The following BLTP1 variants were observed in gnomAD, a reference collection of about 807,000 sequenced individuals.
BLTP1 encodes bridge-like lipid transfer protein family member 1, also known as fragile site-associated protein.
the BLTP1 span, chr4:122,155,089 G>A: frequency 3.7e-4 from 80 of 215,704 alleles, no homozygotes; most frequent in African/African-American, 1.8e-3. Context: ...ATAGAGCAAT[G>A]GTCTTCATGG....
At chr4:122,280,684 A>C in the BLTP1 span, among the ~76,000 whole-genome samples, 1 of 150,106 alleles carries the variant, frequency 6.7e-6, no homozygotes, top group African/African-American at 2.4e-5. Context: ...AAAAAAAAAC[A>C]ACCATGTAAA....
At chr4:122,185,849 C>T in the BLTP1 span, 192 of 194,620 alleles carry the variant, frequency 9.9e-4, 1 homozygote, top group African/African-American at 4.5e-3. Context: ...TAAAATATAA[C>T]AGAAACATCA....
the BLTP1 span, chr4:122,271,789 A>AAACAT: frequency 1.9e-6 from 2 of 1,062,668 alleles, no homozygotes; most frequent in Non-Finnish European, 2.7e-6. Context: ...AAGAAGCAGA[A>AAACAT]GACTGTTCAT....
At chr4:122,257,141 T>A in the BLTP1 span, 1 of 1,115,150 alleles carries the variant, frequency 9.0e-7, no homozygotes, top group Non-Finnish European at 1.3e-6. Context: ...TAAGTTTTAA[T>A]TTCTTTATCT....
At chr4:122,209,833 A>T in the BLTP1 span, 1 of 1,613,530 alleles carries the variant, frequency 6.2e-7, no homozygotes, top group Non-Finnish European at 8.5e-7. Context: ...GTTGGGTTGA[A>T]TGCTGGACTG....
the BLTP1 span, among the ~76,000 whole-genome samples, chr4:122,228,502 G>A: frequency 6.6e-6 from 1 of 152,072 alleles, no homozygotes; most frequent in East Asian, 1.9e-4. Context: ...TGACTACACT[G>A]TAAGACACCT....
At chr4:122,262,669 A>G in the BLTP1 span, 17 of 1,423,196 alleles carry the variant, frequency 1.2e-5, no homozygotes, top group African/African-American at 4.3e-5. Context: ...CAAAGTAGCT[A>G]GCAGTTATAG....
At chr4:122,276,541 G>T in the BLTP1 span, 2 of 984,950 alleles carry the variant, frequency 2.0e-6, no homozygotes, top group Non-Finnish European at 2.4e-6. Context: ...GATGAATGCT[G>T]TTCACATCTA....
chr4:122,310,671 G>A, the BLTP1 span, among the ~76,000 whole-genome samples: 1 of 152,136 alleles, frequency 6.6e-6, no homozygotes, highest in East Asian at 1.9e-4. Flanking sequence ...TCTCTCACAT[G>A]TGGTTCATAT....
At chr4:122,344,285 T>C in the BLTP1 span, 6 of 1,269,572 alleles carry the variant, frequency 4.7e-6, no homozygotes, top group Middle Eastern at 2.5e-4. Context: ...ATTCATGGCA[T>C]ATTACAGTAT....
At chr4:122,216,747 T>G in the BLTP1 span, among the ~76,000 whole-genome samples, 2 of 152,246 alleles carry the variant, frequency 1.3e-5, no homozygotes, top group Admixed American at 1.3e-4. Context: ...TCTTTTGCTG[T>G]GCAGAAGTTT....
chr4:122,221,777 T>C, the BLTP1 span: 1 of 983,900 alleles, frequency 1.0e-6, no homozygotes, highest in Admixed American at 6.2e-5. Context: ...CATCTCCCTT[T>C]TTCAGTCTAT....
the BLTP1 span, chr4:122,344,501 G>T: frequency 1.9e-6 from 3 of 1,613,800 alleles, no homozygotes; most frequent in East Asian, 2.2e-5. Flanking sequence ...CTCATTTTTT[G>T]AAAGTCAGTC....
chr4:122,247,413 T>C, the BLTP1 span: 1 of 1,589,326 alleles, frequency 6.3e-7, no homozygotes, highest in Non-Finnish European at 8.6e-7. Context: ...TAAGATGATT[T>C]TGCAGAAGGG....
the BLTP1 span, chr4:122,180,185 C>T: frequency 8.1e-6 from 8 of 984,852 alleles, no homozygotes; most frequent in East Asian, 1.1e-4. Flanking sequence ...ATCCCTGTAA[C>T]GTCATTTACT....
chr4:122,348,802 T>C, the BLTP1 span: 2 of 872,592 alleles, frequency 2.3e-6, no homozygotes, highest in South Asian at 4.3e-5. Context: ...AGAACCTTTT[T>C]TGAATGCTAA....
chr4:122,289,026 G>T, the BLTP1 span: 24 of 1,528,754 alleles, frequency 1.6e-5, no homozygotes, highest in African/African-American at 2.4e-4. Flanking sequence ...GGTGATTTAT[G>T]TAAGAAAAAA....
chr4:122,331,204 G>A, the BLTP1 span: 5 of 1,423,858 alleles, frequency 3.5e-6, no homozygotes, highest in Non-Finnish European at 4.6e-6. Context: ...ACTCACTCAT[G>A]TGAATTTACA....
At chr4:122,205,193 T>C in the BLTP1 span, among the ~76,000 whole-genome samples, 1 of 151,878 alleles carries the variant, frequency 6.6e-6, no homozygotes, top group African/African-American at 2.4e-5. Flanking sequence ...ACCTTTAAAA[T>C]ACAAGGAAAA....
Sources: gnomAD v4.1 joint callset for allele counts (sites outside exome capture counted in the v4.1 genomes callset) on GRCh38, gnomAD v4.1.1 for gene constraint, MANE v1.5 for transcripts, NCBI Gene and HGNC (gene_info 2026-07-23, HGNC 2026-07-21) for gene names.